The following GRIK2 variants were observed in gnomAD, a reference collection of about 807,000 sequenced individuals.
The protein encoded by GRIK2 is glutamate receptor ionotropic, kainate 2.
In GRIK2, 32 loss-of-function variants were observed where a neutral mutation model predicts 100.3. The observed-to-expected ratio is 0.32, with a 90% CI of 0.24 to 0.43. The LOEUF (loss-of-function observed/expected upper bound fraction) is 0.43, where lower values mean the gene tolerates loss of function less well. Ranked by LOEUF, GRIK2 falls within the 20% of genes least tolerant of loss-of-function variation. The pLI is 1.00. For missense variants in GRIK2, 843 were observed against 1,114.9 expected (o/e 0.76, Z 3.47); for synonymous variants, 417 against 389.4 (o/e 1.07, Z -0.83).
intron 12 of GRIK2, among the ~76,000 whole-genome samples, chr6:101,896,370 C>T (rs1787442964): frequency 1.3e-5 from 2 of 151,700 alleles, no homozygotes; most frequent in South Asian, 4.1e-4. Flanking sequence ...TTATGCCAGA[C>T]ATTTACAGGT....
intron 7 of GRIK2, among the ~76,000 whole-genome samples, chr6:101,760,658 T>TTAATTATGTA (rs1777552708): frequency 3.9e-5 from 4 of 102,988 alleles, no homozygotes; most frequent in Non-Finnish European, 5.4e-5. Context: ...AATTATATGT[T>TTAATTATGTA]TAATTATATA....
At position 101,493,950 on chromosome 6, in the gene GRIK2, TAA is replaced by T. The variant is rs550690126; in HGVS notation, c.115+94559_115+94560del. The stretch of plus-strand genomic sequence containing the variant: ...TTTATATATAATATGTATTTATATA[TAA>T]TATATATATTTTATATATAATTTAT... On this transcript the variant is annotated intron_variant, in intron 2 of 16. Transcript: ENST00000369134. Among the ~76,000 whole-genome samples, 1,193 of 139,870 alleles carry T rather than the reference TAA, an allele frequency of 8.5e-3. 22 individuals carry two copies. Among genetic ancestry groups the T allele is most frequent in the African/African-American group, 0.029 (1,147 of 39,042 alleles). The allele number at this position is 139,870 out of a possible 152,430, so 91.8% of individuals were successfully genotyped here.
At chr6:101,665,127 T>C (rs1207886432) in intron 4 of GRIK2, among the ~76,000 whole-genome samples, 2 of 152,170 alleles carry the variant, frequency 1.3e-5, no homozygotes. Flanking sequence ...AGTTTAGCCC[T>C]GGCTATGACC....
chr6:101,766,374 A>T (rs9404143), intron 7 of GRIK2, among the ~76,000 whole-genome samples: 3 of 151,964 alleles, frequency 2.0e-5, no homozygotes, highest in African/African-American at 7.3e-5. Flanking sequence ...TTAATAATTG[A>T]GGATATAAAA....
At chr6:101,901,115 A>G (rs1787818726) in intron 12 of GRIK2, among the ~76,000 whole-genome samples, 1 of 152,030 alleles carries the variant, frequency 6.6e-6, no homozygotes, top group Non-Finnish European at 1.5e-5. Flanking sequence ...GTTCTTTTAA[A>G]ATAACTACTT....
At chr6:101,702,800 A>C (rs1562321398) in intron 7 of GRIK2, among the ~76,000 whole-genome samples, 6 of 151,896 alleles carry the variant, frequency 4.0e-5, no homozygotes. Flanking sequence ...AGCCATACAA[A>C]TATTGATCAG....
intron 12 of GRIK2, among the ~76,000 whole-genome samples, chr6:101,892,052 G>T (rs1787135491): frequency 6.6e-6 from 1 of 152,058 alleles, no homozygotes; most frequent in Non-Finnish European, 1.5e-5. Context: ...CTTAATGTTT[G>T]CATGTACCCT....
intron 2 of GRIK2, among the ~76,000 whole-genome samples, chr6:101,554,809 C>T (rs116812891): frequency 7.2e-5 from 11 of 152,074 alleles, no homozygotes; most frequent in South Asian, 6.2e-4. Context: ...ATTGTACCTG[C>T]GCATAAGAAG....
chr6:101,962,989 T>A (rs990605347), intron 14 of GRIK2, among the ~76,000 whole-genome samples: 4 of 151,744 alleles, frequency 2.6e-5, no homozygotes, highest in Non-Finnish European at 4.4e-5. Flanking sequence ...ATTTTTTTTT[T>A]ATTTTTAATC....
chr6:101,984,328 A>AT (rs1364902098), intron 14 of GRIK2, among the ~76,000 whole-genome samples: 3 of 151,448 alleles, frequency 2.0e-5, no homozygotes, highest in East Asian at 3.9e-4. Flanking sequence ...AGGAAATGAG[A>AT]TTTTTTTTCA....
chr6:101,502,885 T>C (rs1452858109), intron 2 of GRIK2, among the ~76,000 whole-genome samples: 1 of 152,146 alleles, frequency 6.6e-6, no homozygotes, highest in East Asian at 1.9e-4. Context: ...CTCTAGAGTA[T>C]AAATAAATTC....
intron 2 of GRIK2, among the ~76,000 whole-genome samples, chr6:101,424,806 A>C (rs1053289445): frequency 8.0e-5 from 12 of 150,312 alleles, no homozygotes; most frequent in Non-Finnish European, 1.2e-4. Context: ...TATGAGTGAG[A>C]ACATGTGGTG....
intron 2 of GRIK2, among the ~76,000 whole-genome samples, chr6:101,456,404 G>A (rs1771013320): frequency 6.6e-6 from 1 of 151,976 alleles, no homozygotes; most frequent in Admixed American, 6.6e-5. Flanking sequence ...GAAGCTACTT[G>A]GAGGTAGGGA....
At chr6:101,837,735 T>C (rs1242330312) in intron 10 of GRIK2, among the ~76,000 whole-genome samples, 1 of 152,176 alleles carries the variant, frequency 6.6e-6, no homozygotes, top group African/African-American at 2.4e-5. Context: ...TCTCCAGAAA[T>C]GGGTTGAAAT....
At chr6:101,547,367 G>T (rs188121979) in intron 2 of GRIK2, among the ~76,000 whole-genome samples, 1 of 151,774 alleles carries the variant, frequency 6.6e-6, no homozygotes, top group Non-Finnish European at 1.5e-5. Context: ...TATGCACAAC[G>T]TGCAGGTTTG....
In GRIK2 at chr6:101,464,497, CT is replaced by C. The variant is rs71028069; in HGVS notation, c.115+65143del. ...TAATTTTTACCTTTTCTTTTTCTTT[CT>C]TTTTTTTTTTTTTTTTTTTTTTTTT... On this transcript the variant is annotated intron_variant, in intron 2 of 16. Transcript: ENST00000369134. Among the ~76,000 whole-genome samples the C allele has an allele frequency of 2.0e-3, 126 of 62,038 alleles. 10 individuals are homozygous for C. Among genetic ancestry groups the C allele is most frequent in the African/African-American group, 5.4e-3 (88 of 16,172 alleles). 40.7% of individuals were successfully genotyped at this position (62,038 alleles called of 152,430 possible).
At position 101,719,138 on chromosome 6, in the gene GRIK2, G is replaced by GTTTTTTTTTTTTTTTTTTTTTTTTTT. The variant is rs60301711; in HGVS notation, c.951+32798_951+32823dup. On this transcript the variant is annotated intron_variant, in intron 7 of 16. Transcript: ENST00000369134. ...CTGAAATGTGCAACAGGCTGCAAGG[G>GTTTTTTTTTTTTTTTTTTTTTTTTTT]TTTTTTTTTTTTTTTTTTTTTTTTT... is the stretch of plus-strand genomic sequence containing the variant. Among the ~76,000 whole-genome samples, 7 of 101,170 alleles carry GTTTTTTTTTTTTTTTTTTTTTTTTTT rather than the reference G, an allele frequency of 6.9e-5. 1 individual carries two copies. The highest frequency in any genetic ancestry group is 2.5e-4 in the African/African-American group (5 of 20,102). 66.4% of individuals were successfully genotyped at this position (101,170 alleles called of 152,430 possible). A position where few individuals can be genotyped will look rare whatever the true frequency, so the allele number is the denominator to read the frequency against.
chr6:101,564,657 G>A (rs557359321), intron 2 of GRIK2, among the ~76,000 whole-genome samples: 37 of 152,152 alleles, frequency 2.4e-4, no homozygotes, highest in Non-Finnish European at 4.3e-4. Flanking sequence ...GCCTCCTTGC[G>A]CTATATAAAC....
chr6:101,678,814 T>C (rs1248163794), intron 5 of GRIK2, among the ~76,000 whole-genome samples: 1 of 152,222 alleles, frequency 6.6e-6, no homozygotes. Context: ...CCTTAATCAG[T>C]TTACTCTTGT....
Sources: allele counts gnomAD v4.1 joint callset (sites outside exome capture counted in the v4.1 genomes callset), GRCh38; gene constraint gnomAD v4.1.1; transcripts MANE v1.5; gene names NCBI Gene and HGNC (gene_info 2026-07-23, HGNC 2026-07-21).